ALLC: variants seen among roughly 807,000 people sequenced by gnomAD.
The protein encoded by ALLC is probable inactive allantoicase.
ALLC carries 40 observed loss-of-function variants against 45.0 expected under a neutral mutation model. The observed-to-expected ratio is 0.89, with a 90% CI of 0.69 to 1.16. The LOEUF (loss-of-function observed/expected upper bound fraction) is 1.16, where lower values mean the gene tolerates loss of function less well. Among genes scored for constraint, ALLC ranks in the 50% most tolerant of loss-of-function variants. The probability of loss-of-function intolerance (pLI) is 0.00; values close to 1 mark genes in which losing one functional copy is unlikely to be tolerated. For synonymous variants in ALLC, 176 were observed against 178.1 expected, an observed-to-expected ratio of 0.99 and a Z score of 0.09; for missense variants, 488 against 493.1, an observed-to-expected ratio of 0.99 and a Z score of 0.10.
At chr2:3,659,614 G>A (rs1193489185) in intron 1 of ALLC, among the ~76,000 whole-genome samples, 4 of 152,210 alleles carry the variant, frequency 2.6e-5, no homozygotes, top group Non-Finnish European at 4.4e-5. Flanking sequence ...CCGAGGTCGC[G>A]TGGCTCCTTC....
At position 3,666,165 on chromosome 2, in the gene ALLC, C is replaced by T. The variant is rs116847487; in HGVS notation, c.-62-4931C>T. ...TGGGTCATGCCCCACGTTACCAGGA[C>T]CCCTGGCTTCTCCCACCACAGGGGG... On this transcript the variant is annotated intron_variant, in intron 1 of 11. Coordinates refer to ENST00000252505, the MANE Select transcript of ALLC (RefSeq NM_018436.4). Among the ~76,000 whole-genome samples, 148 of 152,350 alleles carry T rather than the reference C, an allele frequency of 9.7e-4. 2 individuals are homozygous for T. Among genetic ancestry groups the T allele is most frequent in the East Asian group, 6.4e-3 (33 of 5,178 alleles).
intron 7 of ALLC, 99 bp downstream of exon 7, chr2:3,683,173 A>G: frequency 1.5e-6 from 2 of 1,324,440 alleles, no homozygotes; most frequent in Non-Finnish European, 2.1e-6. Flanking sequence ...CTTCTTGGTA[A>G]TTGATCTCTC....
chr2:3,670,288 T>C (rs1261393771), intron 1 of ALLC, among the ~76,000 whole-genome samples: 1 of 152,248 alleles, frequency 6.6e-6, no homozygotes, highest in Non-Finnish European at 1.5e-5. Flanking sequence ...TTCCTTCTTT[T>C]GTGAATGAAC....
Position 3,702,586 on chromosome 2 carries a change from GAC to G in ALLC, c.*29_*30del, listed in dbSNP as rs370777612. The G allele has an allele frequency of 2.5e-4, 384 of 1,508,538 alleles. 2 individuals carry two copies. In the African/African-American group the frequency reaches 4.8e-3, roughly 19 times the overall value. The allele number at this position is 1,508,538 out of a possible 1,614,324, so 93.4% of individuals were successfully genotyped here. A position where few individuals can be genotyped will look rare whatever the true frequency, so the allele number is the denominator to read the frequency against. ...TAACACACACAAAGCCCCGGTGTCG[GAC>G]ACACAGCAGTAATTTCCCAGTCATA... is the stretch of plus-strand genomic sequence containing the variant. On this transcript the variant is annotated 3_prime_UTR_variant, in exon 12 of 12. Coordinates refer to ENST00000252505, the MANE Select transcript of ALLC (RefSeq NM_018436.4).
At chr2:3,654,303 C>T (rs1666394766), upstream of ALLC, among the ~76,000 whole-genome samples, 1 of 152,224 alleles carries the variant, frequency 6.6e-6, no homozygotes, top group Non-Finnish European at 1.5e-5. Flanking sequence ...AGGCGGTGGA[C>T]TGCGACTGTG....
intron 1 of ALLC, among the ~76,000 whole-genome samples, chr2:3,664,389 G>GAGC (rs1347535691): frequency 6.6e-6 from 1 of 152,162 alleles, no homozygotes; most frequent in Non-Finnish European, 1.5e-5. Context: ...ACTACAAATG[G>GAGC]AGCTTGGCCA....
At chr2:3,648,136 G>A in the ALLC span, among the ~76,000 whole-genome samples, 1 of 152,164 alleles carries the variant, frequency 6.6e-6, no homozygotes, top group East Asian at 1.9e-4. Flanking sequence ...ATGAGTCTGG[G>A]CCCTCAGGAT....
At chr2:3,693,172 C>A (rs986179717) in intron 7 of ALLC, among the ~76,000 whole-genome samples, 5 of 152,152 alleles carry the variant, frequency 3.3e-5, no homozygotes, top group African/African-American at 1.2e-4. Context: ...CCCTTAGGAC[C>A]ATTTCCAGAG....
Position 3,679,919 on chromosome 2 carries a change from T to G in ALLC, c.223T>G (p.Phe75Val). The G allele has an allele frequency of 6.2e-7, 1 of 1,613,992 alleles. No homozygotes were observed. The highest frequency in any genetic ancestry group is 8.5e-7 in the Non-Finnish European group (1 of 1,179,878). The change falls in exon 5 of 12, where the codon TTC becomes GTC. Residue 75 changes from phenylalanine to valine, a missense_variant. Transcript: ENST00000252505. ...GGGGATCCAAGGAGTCATCCGGGGC[T>G]TCGACGTGGACGTTTCTTACTTCAC... ...RLGIQGVIRG[F>V]DVDVSYFTGD... is the part of the protein sequence containing the mutation.
the ALLC span, among the ~76,000 whole-genome samples, chr2:3,651,443 T>TGTGTG: frequency 5.9e-5 from 1 of 16,808 alleles, no homozygotes; most frequent in African/African-American, 1.6e-4. Context: ...GTGTGTGTGT[T>TGTGTG]AGGAAGGGAG....
intron 3 of ALLC, among the ~76,000 whole-genome samples, chr2:3,676,395 G>A (rs1667025893): frequency 6.6e-6 from 1 of 152,118 alleles, no homozygotes; most frequent in Non-Finnish European, 1.5e-5. Context: ...CGATCCTCCT[G>A]CCTCACTGGG....
intron 1 of ALLC, among the ~76,000 whole-genome samples, chr2:3,667,310 G>A (rs900493893): frequency 6.6e-6 from 1 of 152,204 alleles, no homozygotes; most frequent in Non-Finnish European, 1.5e-5. Flanking sequence ...ACCACGAGCC[G>A]CTGAAGAGCA....
At chr2:3,652,098 C>T in the ALLC span, among the ~76,000 whole-genome samples, 3 of 152,346 alleles carry the variant, frequency 2.0e-5, no homozygotes, top group Admixed American at 2.0e-4. Context: ...TGGGAGCTCG[C>T]AGGAATTCTG....
intron 3 of ALLC, 67 bp from the exon 4 acceptor site, chr2:3,678,401 T>G (rs945707951): frequency 1.5e-6 from 2 of 1,369,412 alleles, no homozygotes; most frequent in African/African-American, 2.9e-5. Flanking sequence ...GGGACAGAAG[T>G]GGACTTGCTG....
chr2:3,678,893 C>G (rs1396358633), intron 4 of ALLC, among the ~76,000 whole-genome samples: 2 of 152,152 alleles, frequency 1.3e-5, no homozygotes, highest in Non-Finnish European at 2.9e-5. Context: ...TACTACAGTC[C>G]TCTGGAGTAG....
chr2:3,676,269 A>T (rs1667022425), intron 3 of ALLC, among the ~76,000 whole-genome samples: 1 of 152,054 alleles, frequency 6.6e-6, no homozygotes, highest in African/African-American at 2.4e-5. Flanking sequence ...AGCACTTAGC[A>T]TTCTGCACAC....
intron 10 of ALLC, among the ~76,000 whole-genome samples, chr2:3,701,112 AAT>A (rs754361644): frequency 6.6e-5 from 10 of 152,370 alleles, no homozygotes; most frequent in Admixed American, 1.3e-4. Context: ...CATGTTAAAA[AAT>A]ATGTCATAGG....
intron 7 of ALLC, chr2:3,695,364 G>C: frequency 3.9e-6 from 1 of 255,840 alleles, no homozygotes; most frequent in East Asian, 1.1e-4. Flanking sequence ...TTAGAGCTCT[G>C]GAGTAAATAA....
chr2:3,658,465 C>T (rs4404281), intron 1 of ALLC, among the ~76,000 whole-genome samples, 171 bp downstream of exon 1: 72,285 of 152,088 alleles, frequency 0.48, 20,973 homozygotes, highest in African/African-American at 0.83. Flanking sequence ...TGTGTTGGTA[C>T]CGGGCGTGGC....
Sources: gnomAD v4.1 joint callset for allele counts (sites outside exome capture counted in the v4.1 genomes callset) on GRCh38, gnomAD v4.1.1 for gene constraint, MANE v1.5 for transcripts, NCBI Gene and HGNC (gene_info 2026-07-23, HGNC 2026-07-21) for gene names.